HEATR4: variants seen among roughly 807,000 people sequenced by gnomAD.
The protein encoded by HEATR4 is HEAT repeat containing 4, also known as HEAT repeat-containing protein 4.
Under a neutral mutation model 108.8 loss-of-function variants are expected in HEATR4, and 95 were observed. The observed-to-expected ratio is 0.87, with a 90% confidence interval of 0.74 to 1.04. The LOEUF is 1.04. HEATR4 is among the 50% of genes least tolerant of loss of function. HEATR4 has a pLI of 0.00. For synonymous variants in HEATR4, 443 were observed against 459.4 expected, an observed-to-expected ratio of 0.96 and a Z score of 0.46; for missense variants, 1,152 against 1,253.8, an observed-to-expected ratio of 0.92 and a Z score of 1.23.
chr14:73,621,820 G>A, the HEATR4 span, among the ~76,000 whole-genome samples: 1 of 134,570 alleles, frequency 7.4e-6, no homozygotes, highest in South Asian at 2.4e-4. Context: ...CTGGAGTATA[G>A]TGGCATGATC....
the HEATR4 span, among the ~76,000 whole-genome samples, chr14:73,597,386 T>C: frequency 2.6e-5 from 4 of 151,310 alleles, no homozygotes; most frequent in Non-Finnish European, 5.9e-5. Context: ...GCCCGGCCAT[T>C]ATTTATTTAT....
chr14:73,520,995 G>A lies in HEATR4; in HGVS notation c.926C>T (p.Pro309Leu), dbSNP rs1268314695. ...FQQAETVEIMPGNKSTEDIHE... is the reference protein window; with the variant it reads ...FQQAETVEIMLGNKSTEDIHE... Reference sequence around the variant, plus strand: ...GATATCCTCAGTGCTCTTGTTGCCAGGCATGATCTCAACTGTCTCTGCTTG... The same window carrying A: ...GATATCCTCAGTGCTCTTGTTGCCAAGCATGATCTCAACTGTCTCTGCTTG... The change falls in exon 4 of 18, where the codon CCT (proline) becomes CTT (leucine). Residue 309 changes from proline to leucine, a missense_variant. Physicochemically the swap from Pro to Leu is moderately conservative, Grantham distance 98. Coordinates refer to ENST00000553558, the MANE Select transcript of HEATR4 (RefSeq NM_001220484.1). 6.2e-7 allele frequency: 1 copy of A among 1,613,736 alleles called. No homozygotes were observed. Among genetic ancestry groups the A allele is most frequent in the Non-Finnish European group, 8.5e-7 (1 of 1,179,988 alleles).
the HEATR4 span, chr14:73,613,015 C>T: frequency 3.3e-6 from 3 of 913,584 alleles, no homozygotes; most frequent in Non-Finnish European, 4.6e-6. Flanking sequence ...GCGCCGCGCT[C>T]TTCCTGCCGC....
At chr14:73,577,367 T>C in the HEATR4 span, among the ~76,000 whole-genome samples, 1 of 136,210 alleles carries the variant, frequency 7.3e-6, no homozygotes, top group African/African-American at 2.8e-5. Context: ...GCTGGTGCCA[T>C]GTCTCCAAAC....
the HEATR4 span, chr14:73,619,743 T>C: frequency 1.9e-6 from 3 of 1,614,054 alleles, no homozygotes; most frequent in South Asian, 3.3e-5. Context: ...AGCCAAAGGC[T>C]CACTCAAAGG....
intron 17 of HEATR4, among the ~76,000 whole-genome samples, chr14:73,482,084 G>A (rs1885280173): frequency 6.6e-6 from 1 of 151,888 alleles, no homozygotes; most frequent in Non-Finnish European, 1.5e-5. Context: ...AGGAAAGGAG[G>A]GTTGAATAAG....
chr14:73,629,763 G>C, the HEATR4 span, among the ~76,000 whole-genome samples: 24 of 151,676 alleles, frequency 1.6e-4, no homozygotes, highest in East Asian at 4.5e-3. Context: ...TCCTGCCTCA[G>C]CCTCCCAAGT....
At chr14:73,603,234 A>C in the HEATR4 span, among the ~76,000 whole-genome samples, 4 of 152,278 alleles carry the variant, frequency 2.6e-5, no homozygotes, top group African/African-American at 9.6e-5. Context: ...ACTATTTTCA[A>C]AAGCCAAAGA....
the HEATR4 span, among the ~76,000 whole-genome samples, chr14:73,628,462 T>C: frequency 2.0e-5 from 3 of 152,010 alleles, no homozygotes; most frequent in African/African-American, 4.8e-5. Flanking sequence ...GTTTTAAAAA[T>C]TGCCACAGCC....
At chr14:73,621,761 CTTTTTT>C in the HEATR4 span, among the ~76,000 whole-genome samples, 2 of 109,516 alleles carry the variant, frequency 1.8e-5, no homozygotes, top group African/African-American at 4.2e-5. Context: ...TTCTTTCTTT[CTTTTTT>C]TTTTTTTTTT....
At chr14:73,574,559 G>A in the HEATR4 span, among the ~76,000 whole-genome samples, 31 of 152,078 alleles carry the variant, frequency 2.0e-4, 1 homozygote, top group South Asian at 4.2e-4. Context: ...CACCACTCCC[G>A]GCCATGAGAT....
the HEATR4 span, chr14:73,582,630 G>C: frequency 6.6e-6 from 1 of 151,932 alleles, no homozygotes; most frequent in Admixed American, 6.6e-5. Flanking sequence ...GCCCTACATG[G>C]AGATGTAATA....
At chr14:73,567,137 A>G in the HEATR4 span, among the ~76,000 whole-genome samples, 1 of 151,984 alleles carries the variant, frequency 6.6e-6, no homozygotes, top group East Asian at 1.9e-4. Flanking sequence ...GGGTCTTGCT[A>G]TGTTGTCCAG....
chr14:73,499,254 G>T, intron 12 of HEATR4, 114 bp from the exon 13 acceptor site: 1 of 865,984 alleles, frequency 1.2e-6, no homozygotes, highest in Non-Finnish European at 2.0e-6. Context: ...GCCAAGGTGG[G>T]CGGATCACTT....
intron 2 of HEATR4, chr14:73,527,266 T>C (rs553063236): frequency 6.6e-6 from 1 of 151,972 alleles, no homozygotes; most frequent in African/African-American, 2.4e-5. Context: ...TCCACAAGCA[T>C]CAAGAACATC....
chr14:73,623,499 A>G, the HEATR4 span, among the ~76,000 whole-genome samples: 1 of 151,880 alleles, frequency 6.6e-6, no homozygotes, highest in African/African-American at 2.4e-5. Context: ...GCTTGAGCAA[A>G]GTAGCAAGAC....
the HEATR4 span, among the ~76,000 whole-genome samples, chr14:73,627,374 G>A: frequency 1.3e-5 from 2 of 152,042 alleles, no homozygotes; most frequent in Non-Finnish European, 2.9e-5. Flanking sequence ...AGATCCCACA[G>A]GTTGAGGAGT....
At chr14:73,630,303 C>A in the HEATR4 span, among the ~76,000 whole-genome samples, 1 of 152,198 alleles carries the variant, frequency 6.6e-6, no homozygotes, top group Admixed American at 6.5e-5. Context: ...TGCACAAATC[C>A]CTCTTCAACA....
intron 3 of HEATR4, 74 bp from the exon 4 acceptor site, chr14:73,521,113 G>T: frequency 7.6e-7 from 1 of 1,307,444 alleles, no homozygotes; most frequent in Non-Finnish European, 1.1e-6. Flanking sequence ...TAAATCCACA[G>T]CTCGTTCCCT....
Sources: gnomAD v4.1 joint callset for allele counts (sites outside exome capture counted in the v4.1 genomes callset) on GRCh38, gnomAD v4.1.1 for gene constraint, MANE v1.5 for transcripts, NCBI Gene and HGNC (gene_info 2026-07-23, HGNC 2026-07-21) for gene names.